The following SMIM20 variants were observed in gnomAD, a reference collection of about 807,000 sequenced individuals.
SMIM20 encodes the protein small integral membrane protein 20.
A neutral mutation model predicts 8.7 loss-of-function variants in SMIM20; 3 were observed. That is an observed-to-expected ratio of 0.34 (90% confidence interval 0.16 to 0.89). The LOEUF is 0.89. Ranked by LOEUF, SMIM20 falls within the 40% of genes least tolerant of loss-of-function variation. SMIM20 has a pLI of 0.49. For missense variants in SMIM20, 85 were observed against 84.8 expected (o/e 1.00, Z -0.01); for synonymous variants, 44 against 33.6 (o/e 1.31, Z -1.07).
intron 1 of SMIM20, among the ~76,000 whole-genome samples, chr4:25,927,198 C>T (rs1277734735): frequency 6.6e-6 from 1 of 152,198 alleles, no homozygotes; most frequent in Non-Finnish European, 1.5e-5. Context: ...TATGTGTTCT[C>T]TCCATCCCTC....
chr4:25,915,044 C>T (rs1006493600), intron 1 of SMIM20, among the ~76,000 whole-genome samples: 3 of 152,154 alleles, frequency 2.0e-5, no homozygotes, highest in African/African-American at 7.2e-5. Context: ...TTCATTTCCA[C>T]TCCCCAAGAT....
intron 1 of SMIM20, among the ~76,000 whole-genome samples, chr4:25,916,284 C>T (rs1338778518): frequency 6.6e-6 from 1 of 151,718 alleles, no homozygotes; most frequent in Non-Finnish European, 1.5e-5. Context: ...GATCTCGGCG[C>T]ACTGCAGTCT....
intron 1 of SMIM20, among the ~76,000 whole-genome samples, chr4:25,922,984 A>T (rs753364912): frequency 7.2e-5 from 11 of 152,242 alleles, no homozygotes; most frequent in African/African-American, 1.2e-4. Flanking sequence ...ATTGGATTTC[A>T]TTTTGGCGTT....
chr4:25,929,073 T>C, intron 2 of SMIM20, 81 bp from the exon 3 acceptor site: 3 of 1,496,320 alleles, frequency 2.0e-6, no homozygotes, highest in Non-Finnish European at 2.7e-6. Flanking sequence ...AGTTCTGATG[T>C]CATTTTGTTT....
Position 25,928,394 on chromosome 4 carries a change from A to T in SMIM20, c.166+25A>T, listed in dbSNP as rs1315374897. On this transcript the variant is annotated intron_variant, in intron 2 of 2. Transcript: ENST00000506197. Reference sequence around the variant, plus strand: ...GGTAAACTGAAAAAAAAAAATCAAAACCAAATCTTATTTGTACTACTGTGT... The same window carrying T: ...GGTAAACTGAAAAAAAAAAATCAAATCCAAATCTTATTTGTACTACTGTGT... 4.5e-6 allele frequency: 7 copies of T among 1,547,170 alleles called. No individual in the cohort carries two copies. The African/African-American group carries it at 8.2e-5, about 18-fold the overall frequency.
chr4:25,929,423 A>C lies in SMIM20; in HGVS notation c.*232A>C, dbSNP rs978149841. Reference sequence around the variant, plus strand: ...ACCATTAGGAAGGTTTTCATGATTCAGTTGATTTTCCAAAAATGAAGCTAT... The same window carrying C: ...ACCATTAGGAAGGTTTTCATGATTCCGTTGATTTTCCAAAAATGAAGCTAT... On this transcript the variant is annotated 3_prime_UTR_variant, in exon 3 of 3. Transcript: ENST00000506197. The C allele has an allele frequency of 6.1e-6, 3 of 491,406 alleles. No individual in the cohort carries two copies. The highest frequency in any genetic ancestry group is 5.9e-5 in the African/African-American group (3 of 50,444). The allele number at this position is 491,406 out of a possible 1,614,324, so 30.4% of individuals were successfully genotyped here. A position where few individuals can be genotyped will look rare whatever the true frequency, so the allele number is the denominator to read the frequency against.
chr4:25,921,257 G>A (rs148562719), intron 1 of SMIM20, among the ~76,000 whole-genome samples: 1 of 152,230 alleles, frequency 6.6e-6, no homozygotes, highest in East Asian at 1.9e-4. Flanking sequence ...CAAACTGGTG[G>A]GCATGGTGGC....
chr4:25,918,092 G>A (rs985025098), intron 1 of SMIM20, among the ~76,000 whole-genome samples: 1 of 151,356 alleles, frequency 6.6e-6, no homozygotes, highest in African/African-American at 2.4e-5. Flanking sequence ...ACAGGTGCCC[G>A]CCACCACGCC....
At chr4:25,918,723 G>A (rs1719142384) in intron 1 of SMIM20, among the ~76,000 whole-genome samples, 1 of 151,642 alleles carries the variant, frequency 6.6e-6, no homozygotes. Context: ...ATGTTGGCCA[G>A]GCTGGTCTCG....
intron 1 of SMIM20, among the ~76,000 whole-genome samples, chr4:25,923,954 G>T (rs1719243852): frequency 6.6e-6 from 1 of 152,222 alleles, no homozygotes; most frequent in African/African-American, 2.4e-5. Context: ...AGTGCTTCAA[G>T]TGGCTACTTG....
At chr4:25,926,951 T>A (rs1711527677) in intron 1 of SMIM20, among the ~76,000 whole-genome samples, 1 of 152,224 alleles carries the variant, frequency 6.6e-6, no homozygotes, top group South Asian at 2.1e-4. Flanking sequence ...GAGACTTACA[T>A]GTCTATAGGA....
intron 1 of SMIM20, among the ~76,000 whole-genome samples, chr4:25,925,747 C>T (rs187142060): frequency 2.0e-5 from 3 of 152,310 alleles, no homozygotes; most frequent in African/African-American, 4.8e-5. Flanking sequence ...GTTCAAGTAA[C>T]AAGTCACACA....
chr4:25,923,635 T>G (rs1719237459), intron 1 of SMIM20, among the ~76,000 whole-genome samples: 3 of 152,332 alleles, frequency 2.0e-5, no homozygotes, highest in Admixed American at 6.5e-5. Context: ...CTGTGAGACC[T>G]CAGTTCTGCT....
At chr4:25,918,733 G>A (rs575049413) in intron 1 of SMIM20, among the ~76,000 whole-genome samples, 129 of 151,470 alleles carry the variant, frequency 8.5e-4, no homozygotes, top group African/African-American at 2.9e-3. Flanking sequence ...GGCTGGTCTC[G>A]AACTCTTTGA....
intron 1 of SMIM20, among the ~76,000 whole-genome samples, chr4:25,918,622 T>G (rs1719140412): frequency 6.6e-6 from 1 of 151,994 alleles, no homozygotes; most frequent in Non-Finnish European, 1.5e-5. Context: ...GTAATTCTCC[T>G]GCCTCAGCCT....
At chr4:25,928,128 A>G (rs1272610725) in intron 1 of SMIM20, 185 bp from the exon 2 acceptor site, 1 of 442,830 alleles carries the variant, frequency 2.3e-6, no homozygotes. Flanking sequence ...AAAATACCCA[A>G]TCTCTTTTGC....
At chr4:25,929,075 A>C in intron 2 of SMIM20, 79 bp from the exon 3 acceptor site, 1 of 1,504,758 alleles carries the variant, frequency 6.6e-7, no homozygotes, top group Non-Finnish European at 9.0e-7. Flanking sequence ...TTCTGATGTC[A>C]TTTTGTTTGT....
chr4:25,915,869 G>GGTGGGGGT (rs1719082594), intron 1 of SMIM20, among the ~76,000 whole-genome samples: 2 of 103,166 alleles, frequency 1.9e-5, no homozygotes, highest in Non-Finnish European at 2.0e-5. Flanking sequence ...CGGGGGGGGG[G>GGTGGGGGT]TCGAGTGTTG....
Position 25,916,224 on chromosome 4 carries a change from G to GT in SMIM20, c.109+1811dup, listed in dbSNP as rs1018351734. On this transcript the variant is annotated intron_variant, in intron 1 of 2. Coordinates refer to ENST00000506197, the MANE Select transcript of SMIM20 (RefSeq NM_001145432.3). ...CTTCCCACTTTTCTGGTTCCTTTTT[G>GT]TTTTTTTTTCTTTTTTTCCGCTGTC... Among the ~76,000 whole-genome samples the GT allele has an allele frequency of 3.3e-3, 498 of 150,436 alleles. 6 individuals are homozygous for GT. The highest frequency in any genetic ancestry group is 0.014 in the South Asian group (65 of 4,718).
Sources: allele counts gnomAD v4.1 joint callset (sites outside exome capture counted in the v4.1 genomes callset), GRCh38; gene constraint gnomAD v4.1.1; transcripts MANE v1.5; gene names NCBI Gene and HGNC (gene_info 2026-07-23, HGNC 2026-07-21).